Variants in PKN3 observed in about 807,000 individuals in gnomAD.
PKN3 encodes the protein protein kinase N3.
PKN3 carries 91 observed loss-of-function variants against 113.1 expected under a neutral mutation model. The ratio of observed to expected loss-of-function variants is 0.80; its 90% CI spans 0.68 to 0.96. The LOEUF is 0.96. Ranked by LOEUF, PKN3 falls within the 40% of genes least tolerant of loss-of-function variation. The pLI is 0.00. For synonymous variants in PKN3, 467 were observed against 499.0 expected, an observed-to-expected ratio of 0.94 and a Z score of 0.85; for missense variants, 1,052 against 1,202.2, an observed-to-expected ratio of 0.88 and a Z score of 1.85.
chr9:128,718,145 G>A (rs1414073056), intron 16 of PKN3, among the ~76,000 whole-genome samples, 180 bp from the exon 17 acceptor site: 6 of 152,044 alleles, frequency 3.9e-5, no homozygotes, highest in African/African-American at 9.7e-5. Context: ...GCAACCTTGG[G>A]GCGACCTTGG....
In PKN3 at chr9:128,713,386, G is replaced by T. The variant is rs115678685; in HGVS notation, c.1091G>T (p.Arg364Leu). ...WDQTFVIPLE[R>L]ARELEIGVHW... is the part of the protein sequence containing the mutation. ...CAGACCTTTGTCATCCCACTGGAGC[G>T]AGTAAGGCTGGCCTTTGTGTGGTCA... The change falls in exon 8 of 22, where the codon CGA becomes CTA. Residue 364 changes from arginine to leucine, a missense_variant and splice_region_variant. Around this residue, in one of 2 missense-constraint regions of PKN3, gnomAD observed 719 missense variants for 759.4 expected, o/e 0.95. Transcript: ENST00000291906. The T allele has an allele frequency of 6.2e-7, 1 of 1,613,802 alleles. No homozygotes were observed. The highest frequency in any genetic ancestry group is 1.1e-5 in the South Asian group (1 of 91,060).
chr9:128,708,685 CA>C (rs1862090680), intron 6 of PKN3, among the ~76,000 whole-genome samples: 1 of 150,378 alleles, frequency 6.6e-6, no homozygotes, highest in African/African-American at 2.4e-5. Flanking sequence ...TCTTTAGAAA[CA>C]AAAAAAATTA....
Position 128,713,122 on chromosome 9 carries a change from C to G in PKN3, c.906C>G (p.Ala302=). The G allele has an allele frequency of 6.2e-7, 1 of 1,611,914 alleles. No individual in the cohort carries two copies. Among genetic ancestry groups the G allele is most frequent in the South Asian group, 1.1e-5 (1 of 90,970 alleles). The change falls in exon 7 of 22, where the codon GCC becomes GCG. Residue 302 remains alanine, a synonymous_variant. Transcript: ENST00000291906. ...CCGTGCCTGGGCGCTCCCCAGCGGC[C>G]GCACTGGCCAGCAGCCCCTCCGAGG... ...LTAVPGRSPA[A]ALASSPSEGW...
Position 128,707,027 on chromosome 9 carries a change from A to G in PKN3, c.651+4A>G. The G allele has an allele frequency of 6.2e-7, 1 of 1,613,832 alleles. No homozygotes were observed. On this transcript the variant is annotated splice_donor_region_variant and intron_variant, in intron 5 of 21. Coordinates refer to ENST00000291906, the MANE Select transcript of PKN3 (RefSeq NM_013355.5). ...GGACCGCAAGGCACTGGCTGAGGTC[A>G]GGCCCCAGCCCTGGCCCTCTCCTAA...
Position 128,707,361 on chromosome 9 carries a change from A to G in PKN3, c.791A>G (p.Tyr264Cys), listed in dbSNP as rs761911188. Residue 264 changes from tyrosine (Y) to cysteine (C), a missense_variant, in exon 6 of 22, where the codon TAC becomes TGC. Physicochemically the swap from Tyr to Cys is radical, Grantham distance 194. Transcript: ENST00000291906. ...TRELRAAVPG[Y>C]PQPSGTPVKP... The stretch of plus-strand genomic sequence containing the variant: ...GAGTTGCGGGCTGCGGTGCCTGGAT[A>G]CCCCCAGCCTTCAGGGACACCTGTG... 1.9e-6 allele frequency: 3 copies of G among 1,612,944 alleles called. No individual in the cohort carries two copies. The South Asian group carries it at 3.3e-5, about 18-fold the overall frequency.
Position 128,705,512 on chromosome 9 carries a change from C to G in PKN3, c.234C>G (p.Ile78Met). ...AGCTGCGGGAGCTGCACGCCCGAATCCTGCTGCCCGGCCCTGGGCCTGGCC... is the reference window on the plus strand; with the variant it reads ...AGCTGCGGGAGCTGCACGCCCGAATGCTGCTGCCCGGCCCTGGGCCTGGCC... ...HGELRELHARILLPGPGPGPA... is the reference protein window; with the variant it reads ...HGELRELHARMLLPGPGPGPA... Residue 78 changes from isoleucine to methionine, a missense_variant, in exon 2 of 22, where the codon ATC (isoleucine) becomes ATG (methionine). By Grantham distance (10) the Ile-to-Met change is conservative (BLOSUM62 1). Coordinates refer to ENST00000291906, the MANE Select transcript of PKN3 (RefSeq NM_013355.5). 1 of 1,558,004 alleles carries G rather than the reference C, an allele frequency of 6.4e-7. No homozygotes were observed. The highest frequency in any genetic ancestry group is 1.2e-5 in the South Asian group (1 of 84,726).
chr9:128,705,461 C>G lies in PKN3; in HGVS notation c.183C>G (p.Asn61Lys). 6.4e-7 allele frequency: 1 copy of G among 1,572,696 alleles called. No homozygotes were observed. The highest frequency in any genetic ancestry group is 8.6e-7 in the Non-Finnish European group (1 of 1,159,908). Residue 61 changes from asparagine to lysine, a missense_variant, in exon 2 of 22, where the codon AAC becomes AAG. Physicochemically the swap from Asn to Lys is moderately conservative, Grantham distance 94. Coordinates refer to ENST00000291906, the MANE Select transcript of PKN3 (RefSeq NM_013355.5). ...GHVQQLLRSS[N>K]RRLEQLHGEL... ...TGCAGCAGCTGCTGCGGTCCTCCAA[C>G]CGCCGCCTGGAGCAGCTGCATGGCG... is the stretch of plus-strand genomic sequence containing the variant.
intron 16 of PKN3, among the ~76,000 whole-genome samples, 190 bp downstream of exon 16, chr9:128,717,113 G>GTTTT (rs1554781180): frequency 2.1e-3 from 31 of 14,426 alleles, no homozygotes; most frequent in African/African-American, 5.5e-3. Flanking sequence ...TGTGCATTAG[G>GTTTT]TTTCTTTTTT....
Position 128,720,622 on chromosome 9 carries a change from C to T in PKN3, c.*16C>T, listed in dbSNP as rs755792309. ...GGAACCCTGAGGGCATCTCCTGGCA[C>T]CTCTGTCCCCTTCCCCCACAGACTG... On this transcript the variant is annotated 3_prime_UTR_variant, in exon 22 of 22. Transcript: ENST00000291906. The surrounding 1 kb of genome is among the most constrained non-coding windows in gnomAD (Gnocchi z 5.5). 1.1e-5 allele frequency: 17 copies of T among 1,600,760 alleles called. No homozygotes were observed. Among genetic ancestry groups the T allele is most frequent in the Non-Finnish European group, 1.5e-5 (17 of 1,170,420 alleles).
At chr9:128,719,530 G>C (rs1232679831) in intron 18 of PKN3, among the ~76,000 whole-genome samples, 156 bp from the exon 19 acceptor site, 1 of 152,190 alleles carries the variant, frequency 6.6e-6, no homozygotes, top group Non-Finnish European at 1.5e-5. Context: ...GCTTGGCTCT[G>C]CATGCAGTCA....
intron 11 of PKN3, 60 bp from the exon 12 acceptor site, chr9:128,714,501 TC>T (rs1862280220): frequency 3.0e-6 from 3 of 996,418 alleles, no homozygotes; most frequent in Non-Finnish European, 3.2e-6. Flanking sequence ...GGTTGGTGTG[TC>T]CATCCTGCCA....
At chr9:128,703,215 A>C (rs1156477242) in intron 1 of PKN3, among the ~76,000 whole-genome samples, 1 of 152,206 alleles carries the variant, frequency 6.6e-6, no homozygotes, top group Non-Finnish European at 1.5e-5. Context: ...CTGAGTCCGC[A>C]GTGTGCGCCA....
intron 16 of PKN3, 59 bp downstream of exon 16, chr9:128,716,982 C>T (rs2132326426): frequency 3.5e-6 from 5 of 1,415,664 alleles, no homozygotes; most frequent in Non-Finnish European, 5.0e-6. Flanking sequence ...TCCCTACACC[C>T]ACTCTCTACA....
intron 6 of PKN3, among the ~76,000 whole-genome samples, chr9:128,707,664 G>A (rs1410541812): frequency 2.0e-5 from 3 of 152,200 alleles, no homozygotes; most frequent in South Asian, 4.1e-4. Flanking sequence ...GTCAGCACTC[G>A]GACAGCGTAG....
At chr9:128,705,956 C>T in intron 3 of PKN3, 77 bp downstream of exon 3, 1 of 1,393,638 alleles carries the variant, frequency 7.2e-7, no homozygotes, top group Non-Finnish European at 9.6e-7. Flanking sequence ...CCATTGGGCT[C>T]ATAAGGAGAC....
At chr9:128,703,529 G>C in intron 1 of PKN3, 1 of 985,450 alleles carries the variant, frequency 1.0e-6, no homozygotes, top group South Asian at 4.7e-5. Context: ...CTGGCAGTAG[G>C]TGCGCGTGGG....
chr9:128,713,582 G>A lies in PKN3; in HGVS notation c.1176G>A (p.Leu392=), dbSNP rs1375901495. Residue 392 remains leucine, a synonymous_variant, in exon 9 of 22, where the codon CTG becomes CTA. Coordinates refer to ENST00000291906, the MANE Select transcript of PKN3 (RefSeq NM_013355.5). ...GVAFLRLEDF[L]DNACHQLSLS... ...CCTTCCTGAGACTTGAGGACTTCCT[G>A]GACAATGCCTGTCACCAACTGTCCC... 6.2e-7 allele frequency: 1 copy of A among 1,613,720 alleles called. No homozygotes were observed. The highest frequency in any genetic ancestry group is 8.5e-7 in the Non-Finnish European group (1 of 1,180,010).
chr9:128,717,861 TAA>T lies in PKN3; in HGVS notation c.1986-441_1986-440del, dbSNP rs67487928. Among the ~76,000 whole-genome samples the T allele has an allele frequency of 2.2e-3, 218 of 97,822 alleles. 2 individuals are homozygous for T. The highest frequency in any genetic ancestry group is 6.0e-3 in the East Asian group (20 of 3,350). 64.2% of individuals were successfully genotyped at this position (97,822 alleles called of 152,430 possible). ...GGTGAAACCCTATCTCTATAAAAAC[TAA>T]AAAAAAAAAAAAAAAAAAAAAATTA... On this transcript the variant is annotated intron_variant, in intron 16 of 21. Coordinates refer to ENST00000291906, the MANE Select transcript of PKN3 (RefSeq NM_013355.5).
Position 128,720,144 on chromosome 9 carries a change from T to A in PKN3, c.2377-59T>A. 6.4e-7 allele frequency: 1 copy of A among 1,572,078 alleles called. No individual in the cohort carries two copies. Among genetic ancestry groups the A allele is most frequent in the Non-Finnish European group, 8.7e-7 (1 of 1,145,356 alleles). On this transcript the variant is annotated intron_variant, in intron 20 of 21. Coordinates refer to ENST00000291906, the MANE Select transcript of PKN3 (RefSeq NM_013355.5). This position sits in a 1 kb window ranked among gnomAD's most constrained non-coding sequence, Gnocchi z 5.5. ...TCTGGGCCAGCGTGCTTGGGGCCTG[T>A]GGATGATGGCAGTGCCTGGGGCTGA...
Sources: gnomAD v4.1 joint callset for allele counts (sites outside exome capture counted in the v4.1 genomes callset) on GRCh38, gnomAD v4.1.1 for gene constraint, gnomAD v4.1.1 regional missense constraint, Gnocchi (gnomAD v3.1) non-coding constraint, MANE v1.5 for transcripts, NCBI Gene and HGNC (gene_info 2026-07-23, HGNC 2026-07-21) for gene names.